LMNTD1: variants seen among roughly 807,000 people sequenced by gnomAD.
The protein encoded by LMNTD1 is lamin tail domain-containing protein 1.
A neutral mutation model predicts 50.9 loss-of-function variants in LMNTD1; 35 were observed. That is an observed-to-expected ratio of 0.69 (90% CI 0.53 to 0.91). The LOEUF (loss-of-function observed/expected upper bound fraction) is 0.91, where lower values mean the gene tolerates loss of function less well. LMNTD1 is among the 40% of genes least tolerant of loss of function. LMNTD1 has a pLI of 0.00. For missense variants in LMNTD1, 470 were observed against 475.5 expected (o/e 0.99, Z 0.11); for synonymous variants, 153 against 161.9 (o/e 0.94, Z 0.42).
intron 1 of LMNTD1, among the ~76,000 whole-genome samples, chr12:25,575,584 G>A (rs571637892): frequency 6.6e-6 from 1 of 152,188 alleles, no homozygotes; most frequent in South Asian, 2.1e-4. Flanking sequence ...ATAGCTCAAT[G>A]GGGAAGATAT....
rs1342373711 is a variant in LMNTD1, at chr12:25,621,412, T to C, written c.58+27082A>G. 3.3e-5 allele frequency among the ~76,000 whole-genome samples: 5 copies of C among 152,182 alleles called. 1 individual carries two copies. Among genetic ancestry groups the C allele is most frequent in the Admixed American group, 2.0e-4 (3 of 15,284 alleles). On this transcript the variant is annotated intron_variant, in intron 1 of 7. Transcript: ENST00000445693. Reference sequence around the variant, plus strand: ...GCCACGTAGTTTTTAAAACAAATTTTATTTTAAATATTTGATTAACAAATA... The same window carrying C: ...GCCACGTAGTTTTTAAAACAAATTTCATTTTAAATATTTGATTAACAAATA...
intron 9 of LMNTD1, among the ~76,000 whole-genome samples, chr12:25,496,377 C>G (rs1043215776): frequency 5.3e-5 from 8 of 152,148 alleles, no homozygotes; most frequent in Admixed American, 6.5e-5. Flanking sequence ...CTAGTCTCCT[C>G]AAAACATTAT....
chr12:25,610,977 G>A (rs568464099), intron 1 of LMNTD1, among the ~76,000 whole-genome samples: 3 of 152,268 alleles, frequency 2.0e-5, no homozygotes, highest in East Asian at 1.9e-4. Context: ...CTCAAGTAAC[G>A]TCTTTAAGGA....
intron 4 of LMNTD1, among the ~76,000 whole-genome samples, chr12:25,528,862 G>C (rs982239288): frequency 1.3e-5 from 2 of 151,940 alleles, no homozygotes; most frequent in African/African-American, 4.8e-5. Context: ...CCCCAAATAG[G>C]TACATATCCT....
intron 8 of LMNTD1, among the ~76,000 whole-genome samples, chr12:25,510,198 A>G (rs931854669): frequency 2.7e-5 from 4 of 149,184 alleles, no homozygotes; most frequent in Admixed American, 2.7e-4. Flanking sequence ...TTTCTATTTG[A>G]AGTATTTCCT....
chr12:25,592,357 C>T (rs965904406), intron 1 of LMNTD1: 4 of 152,220 alleles, frequency 2.6e-5, no homozygotes, highest in African/African-American at 9.6e-5. Flanking sequence ...AAGCAGATTG[C>T]TCCTGCAGGA....
At chr12:25,478,758 T>C (rs7976925) in intron 9 of LMNTD1, among the ~76,000 whole-genome samples, 142,916 of 152,250 alleles carry the variant, frequency 0.94, 67,315 homozygotes, top group East Asian at 0.99. Flanking sequence ...TGCACTCCAG[T>C]CTGGGCAACA....
intron 4 of LMNTD1, among the ~76,000 whole-genome samples, chr12:25,529,194 A>T (rs1356080137): frequency 6.6e-6 from 1 of 151,494 alleles, no homozygotes; most frequent in Admixed American, 6.6e-5. Flanking sequence ...TTCTTATTTC[A>T]CCCAGCCCCT....
At chr12:25,648,568 T>G (rs554716587), upstream of LMNTD1, 11 of 1,550,030 alleles carry the variant, frequency 7.1e-6, no homozygotes, top group African/African-American at 1.1e-4. Context: ...TCCTTAAGCT[T>G]CTTCTGTTAT....
At chr12:25,591,161 T>G (rs1446942317) in intron 1 of LMNTD1, among the ~76,000 whole-genome samples, 3 of 140,492 alleles carry the variant, frequency 2.1e-5, no homozygotes, top group Admixed American at 1.4e-4. Flanking sequence ...ATGGCATTTC[T>G]GGACCTGCCC....
chr12:25,561,118 AG>A (rs1210819264), intron 1 of LMNTD1, among the ~76,000 whole-genome samples: 1 of 152,108 alleles, frequency 6.6e-6, no homozygotes, highest in East Asian at 1.9e-4. Flanking sequence ...GATTTTTTGA[AG>A]GGTTTTTTGT....
chr12:25,601,925 T>C (rs537884906), intron 1 of LMNTD1, among the ~76,000 whole-genome samples: 3 of 152,064 alleles, frequency 2.0e-5, no homozygotes, highest in African/African-American at 7.2e-5. Context: ...TTTCTTTGTG[T>C]TGGAAATATT....
At chr12:25,520,139 G>GATATAGATATATATAT in intron 6 of LMNTD1, 64 bp from the exon 7 acceptor site, 1 of 149,948 alleles carries the variant, frequency 6.7e-6, no homozygotes, top group East Asian at 1.8e-4. Flanking sequence ...GCTGTTATGA[G>GATATAGATATATATAT]ATATACATAT....
intron 1 of LMNTD1, among the ~76,000 whole-genome samples, chr12:25,639,425 G>T (rs575235982): frequency 1.1e-3 from 160 of 152,150 alleles, no homozygotes; most frequent in African/African-American, 3.6e-3. Context: ...TAAAAATCAC[G>T]TGTCCAGAAT....
At chr12:25,598,260 A>C (rs1200816620) in intron 1 of LMNTD1, among the ~76,000 whole-genome samples, 1 of 152,162 alleles carries the variant, frequency 6.6e-6, no homozygotes, top group Admixed American at 6.6e-5. Context: ...CTGAATGACC[A>C]GTGGGTCAAT....
At chr12:25,503,591 G>T in intron 9 of LMNTD1, 147 bp downstream of exon 9, 1 of 542,180 alleles carries the variant, frequency 1.8e-6, no homozygotes, top group East Asian at 3.1e-5. Context: ...GGCTCTAAAG[G>T]CAACATAAAT....
At chr12:25,603,780 T>C (rs914979406) in intron 1 of LMNTD1, among the ~76,000 whole-genome samples, 1 of 152,020 alleles carries the variant, frequency 6.6e-6, no homozygotes, top group Non-Finnish European at 1.5e-5. Context: ...AGTTTTGGAA[T>C]AGAACCTGTC....
At chr12:25,633,441 A>C (rs1393863479) in intron 1 of LMNTD1, among the ~76,000 whole-genome samples, 2 of 152,180 alleles carry the variant, frequency 1.3e-5, no homozygotes, top group Non-Finnish European at 2.9e-5. Context: ...AAGGAGCCTC[A>C]ATACATTTAA....
intron 1 of LMNTD1, among the ~76,000 whole-genome samples, chr12:25,615,762 A>G (rs1322525449): frequency 1.3e-5 from 2 of 152,178 alleles, no homozygotes; most frequent in Admixed American, 1.3e-4. Flanking sequence ...CGCCCAGCCT[A>G]GTGTCATAAA....
Sources: gnomAD v4.1 joint callset for allele counts (sites outside exome capture counted in the v4.1 genomes callset) on GRCh38, gnomAD v4.1.1 for gene constraint, MANE v1.5 for transcripts, NCBI Gene and HGNC (gene_info 2026-07-23, HGNC 2026-07-21) for gene names.